TOX2: variants seen among roughly 807,000 people sequenced by gnomAD.
TOX2 encodes TOX high mobility group box family member 2, also known as granulosa cell HMG box 1.
In TOX2, 15 loss-of-function variants were observed where a neutral mutation model predicts 47.4. That is an observed-to-expected ratio of 0.32 (90% CI 0.21 to 0.49). TOX2 has a LOEUF of 0.49. Among genes scored for constraint, TOX2 ranks in the 20% least tolerant of loss-of-function variants. The probability of loss-of-function intolerance (pLI) is 0.99; values close to 1 mark genes in which losing one functional copy is unlikely to be tolerated. For synonymous variants in TOX2, 290 were observed against 296.6 expected (o/e 0.98, Z 0.23); for missense variants, 622 against 673.1 (o/e 0.92, Z 0.84).
At chr20:43,927,646 TTCCCTTCCCTTCC>T (rs2069191464) in intron 1 of TOX2, among the ~76,000 whole-genome samples, 1 of 107,072 alleles carries the variant, frequency 9.3e-6, no homozygotes, top group African/African-American at 5.3e-5. Context: ...CTTCCTCCCC[TTCCCTTCCCTTCC>T]CCTTCCTTCC....
chr20:43,976,773 A>AGCAC (rs753235554), intron 2 of TOX2, among the ~76,000 whole-genome samples: 1 of 139,016 alleles, frequency 7.2e-6, no homozygotes, highest in Non-Finnish European at 1.5e-5. Context: ...TCACAACGCG[A>AGCAC]GCGCGCGCGC....
chr20:44,053,204 C>T (rs543298202), intron 4 of TOX2, among the ~76,000 whole-genome samples: 1 of 152,232 alleles, frequency 6.6e-6, no homozygotes, highest in South Asian at 2.1e-4. Context: ...TCCTGGAAGC[C>T]CTAAGTCAAG....
chr20:43,993,874 T>G (rs1267956243), intron 2 of TOX2, among the ~76,000 whole-genome samples: 1 of 152,192 alleles, frequency 6.6e-6, no homozygotes, highest in Admixed American at 6.5e-5. Flanking sequence ...AATTTGAGGC[T>G]GGGCACAGTA....
At chr20:43,919,366 A>G (rs1385771830) in intron 1 of TOX2, among the ~76,000 whole-genome samples, 3 of 152,188 alleles carry the variant, frequency 2.0e-5, no homozygotes, top group Non-Finnish European at 2.9e-5. Flanking sequence ...ACTTTTGGAG[A>G]AAAATGGAAC....
At position 43,914,864 on chromosome 20, in the gene TOX2, A is replaced by AGCCGCC. The variant is rs904066729; in HGVS notation, c.-13_-8dup. On this transcript the variant is annotated 5_prime_UTR_variant, in exon 1 of 9. Transcript: ENST00000341197. This position sits in a 1 kb window ranked among gnomAD's most constrained non-coding sequence, Gnocchi z 4.5. Reference sequence around the variant, plus strand: ...CGCCCGCCCAGGCACTGCCCGCGGGAGCCGCCGCCGCCGCCGCCGCGCCCG... The same window carrying AGCCGCC: ...CGCCCGCCCAGGCACTGCCCGCGGGAGCCGCCGCCGCCGCCGCCGCCGCCGCGCCCG... 2.2e-5 allele frequency: 21 copies of AGCCGCC among 947,972 alleles called. No homozygotes were observed. Among genetic ancestry groups the AGCCGCC allele is most frequent in the South Asian group, 9.4e-5 (2 of 21,302 alleles). 58.7% of individuals were successfully genotyped at this position (947,972 alleles called of 1,614,324 possible). A position where few individuals can be genotyped will look rare whatever the true frequency, so the allele number is the denominator to read the frequency against.
rs1416139627 is a variant in TOX2 at position 43,915,935 on chromosome 20, C to G, written c.99+945C>G. 6.6e-6 allele frequency among the ~76,000 whole-genome samples: 1 copy of G among 152,256 alleles called. No homozygotes were observed. Among genetic ancestry groups the G allele is most frequent in the Non-Finnish European group, 1.5e-5 (1 of 68,044 alleles). On this transcript the variant is annotated intron_variant, in intron 1 of 8. Coordinates refer to ENST00000341197, the MANE Select transcript of TOX2 (RefSeq NM_001098797.2). The surrounding 1 kb of genome is among the most constrained non-coding windows in gnomAD (Gnocchi z 7.1). ...TGATGGAGGCTTGCGTGCCTGGAAC[C>G]CCGAACCCGAGGCGTCAGGTCCCAC...
chr20:44,053,551 CATATATACTATATATACACACACAT>C lies in TOX2; in HGVS notation c.652-714_652-690del, dbSNP rs1460441633. On this transcript the variant is annotated intron_variant, in intron 4 of 8. Transcript: ENST00000341197. ...TATATACATATATACTATATATATACATATATACTATATATACACACACATATATATACTATATATACACACACAT... is the reference window on the plus strand; with the variant it reads ...TATATACATATATACTATATATATACATATATACTATATATACACACACAT... Among the ~76,000 whole-genome samples the C allele has an allele frequency of 1.2e-4, 9 of 75,350 alleles. No individual in the cohort carries two copies. The South Asian group carries it at 2.2e-3, about 18-fold the overall frequency. The allele number at this position is 75,350 out of a possible 152,430, so 49.4% of individuals were successfully genotyped here. A position where few individuals can be genotyped will look rare whatever the true frequency, so the allele number is the denominator to read the frequency against.
chr20:43,974,416 A>G (rs1377301567), intron 2 of TOX2, among the ~76,000 whole-genome samples: 1 of 152,206 alleles, frequency 6.6e-6, no homozygotes, highest in Admixed American at 6.5e-5. Flanking sequence ...TTCTCATTAC[A>G]GGCATGGCAT....
intron 3 of TOX2, among the ~76,000 whole-genome samples, chr20:44,042,626 A>G (rs2071350225): frequency 6.6e-6 from 1 of 152,256 alleles, no homozygotes; most frequent in African/African-American, 2.4e-5. Flanking sequence ...AGGACCTAGC[A>G]AATATCAGCA....
At chr20:44,051,043 G>C (rs1411115578) in intron 3 of TOX2, among the ~76,000 whole-genome samples, 1 of 152,238 alleles carries the variant, frequency 6.6e-6, no homozygotes. Flanking sequence ...GGCAGGGGCT[G>C]AAATGCAAAG....
chr20:44,016,665 C>A (rs941365966), intron 3 of TOX2, among the ~76,000 whole-genome samples: 1 of 152,106 alleles, frequency 6.6e-6, no homozygotes, highest in Non-Finnish European at 1.5e-5. Flanking sequence ...CCCCTGGGAG[C>A]AAAATCACCC....
At chr20:43,977,145 C>T (rs981547530) in intron 2 of TOX2, among the ~76,000 whole-genome samples, 4 of 151,728 alleles carry the variant, frequency 2.6e-5, no homozygotes, top group African/African-American at 9.7e-5. Context: ...CACTGTCACC[C>T]AGGCTGGAGT....
chr20:44,061,139 A>G (rs538997069), intron 5 of TOX2, among the ~76,000 whole-genome samples: 2 of 152,302 alleles, frequency 1.3e-5, no homozygotes, highest in South Asian at 4.1e-4. Context: ...TACATAAACT[A>G]GAAAACCTAG....
intron 3 of TOX2, among the ~76,000 whole-genome samples, chr20:44,032,920 T>C (rs2071179717): frequency 6.6e-6 from 1 of 152,242 alleles, no homozygotes; most frequent in Non-Finnish European, 1.5e-5. Flanking sequence ...ATGGGGCTGT[T>C]GCCTTAAAGG....
At chr20:43,950,915 C>T (rs1186018809) in intron 1 of TOX2, among the ~76,000 whole-genome samples, 1 of 151,926 alleles carries the variant, frequency 6.6e-6, no homozygotes, top group East Asian at 1.9e-4. Flanking sequence ...TTTTTTGGTG[C>T]ACGGACGCAT....
chr20:43,915,370 C>T lies in TOX2; in HGVS notation c.99+380C>T, dbSNP rs190930406. Among the ~76,000 whole-genome samples, 186 of 152,294 alleles carry T rather than the reference C, an allele frequency of 1.2e-3. No homozygotes were observed. Among genetic ancestry groups the T allele is most frequent in the African/African-American group, 4.3e-3 (178 of 41,556 alleles). ...ACACAACGACACGCAACCACTCACC[C>T]GCAAACAGCCTCACCGCCACAGACG... On this transcript the variant is annotated intron_variant, in intron 1 of 8. Transcript: ENST00000341197. This position sits in a 1 kb window ranked among gnomAD's most constrained non-coding sequence, Gnocchi z 7.1.
intron 2 of TOX2, among the ~76,000 whole-genome samples, chr20:43,994,641 C>T (rs768431789): frequency 1.6e-4 from 25 of 152,060 alleles, no homozygotes; most frequent in Non-Finnish European, 2.6e-4. Flanking sequence ...AAGAAAAGGA[C>T]CCCCAAACCC....
At chr20:43,960,654 C>T (rs919340264) in intron 1 of TOX2, among the ~76,000 whole-genome samples, 6 of 152,250 alleles carry the variant, frequency 3.9e-5, no homozygotes, top group African/African-American at 1.4e-4. Context: ...GGTAGCTATC[C>T]AGACGCTGAA....
At chr20:43,977,744 T>C (rs1288245632) in intron 2 of TOX2, among the ~76,000 whole-genome samples, 1 of 152,184 alleles carries the variant, frequency 6.6e-6, no homozygotes, top group Non-Finnish European at 1.5e-5. Flanking sequence ...GAATGAGATA[T>C]AATTCTCAGA....
Sources: allele counts gnomAD v4.1 joint callset (sites outside exome capture counted in the v4.1 genomes callset), GRCh38; gene constraint gnomAD v4.1.1; non-coding constraint Gnocchi (gnomAD v3.1); transcripts MANE v1.5; gene names NCBI Gene and HGNC (gene_info 2026-07-23, HGNC 2026-07-21).